Variants in AUH observed in about 807,000 individuals in gnomAD.
AUH encodes the protein AU RNA binding methylglutaconyl-CoA hydratase, also known as methylglutaconyl-CoA hydratase, mitochondrial.
In AUH, 29 loss-of-function variants were observed where a neutral mutation model predicts 42.3. The ratio of observed to expected loss-of-function variants is 0.69; its 90% CI spans 0.51 to 0.93. The LOEUF is 0.93. Among genes scored for constraint, AUH ranks in the 40% least tolerant of loss-of-function variants. AUH has a pLI of 0.00. For missense variants in AUH, 452 were observed against 438.1 expected (o/e 1.03, Z -0.28); for synonymous variants, 174 against 166.4 (o/e 1.05, Z -0.35).
chr9:91,346,025 G>T (rs1034079025), intron 3 of AUH, among the ~76,000 whole-genome samples: 1 of 151,968 alleles, frequency 6.6e-6, no homozygotes, highest in South Asian at 2.1e-4. Flanking sequence ...AAAATACTTC[G>T]TCGTTTTTAT....
chr9:91,267,857 C>T (rs1168779609), intron 6 of AUH, among the ~76,000 whole-genome samples: 3 of 152,152 alleles, frequency 2.0e-5, no homozygotes, highest in Non-Finnish European at 4.4e-5. Flanking sequence ...ACACTACTAC[C>T]ACCTTTTCCA....
At position 91,260,226 on chromosome 9, in the gene AUH, A is replaced by G. The variant is rs192142858; in HGVS notation, c.655+35795T>C. On this transcript the variant is annotated intron_variant, in intron 6 of 9. Coordinates refer to ENST00000375731, the MANE Select transcript of AUH (RefSeq NM_001698.3). ...AGTTTTAAACCTATACTGTATGTTT[A>G]TGGTTAAAGTGTGTCTTTTATAAAC... Among the ~76,000 whole-genome samples, 295 of 152,214 alleles carry G rather than the reference A, an allele frequency of 1.9e-3. 1 individual carries two copies. The highest frequency in any genetic ancestry group is 6.7e-3 in the African/African-American group (278 of 41,558).
At chr9:91,315,417 G>C (rs865923437) in intron 4 of AUH, among the ~76,000 whole-genome samples, 6 of 152,066 alleles carry the variant, frequency 3.9e-5, no homozygotes, top group Admixed American at 6.6e-5. Context: ...TGTATACCTG[G>C]CCACCCTGCT....
At chr9:91,262,761 G>C (rs991118453) in intron 6 of AUH, among the ~76,000 whole-genome samples, 3 of 152,054 alleles carry the variant, frequency 2.0e-5, no homozygotes, top group Admixed American at 2.0e-4. Flanking sequence ...TCAAAACTCC[G>C]TAACTACTCC....
intron 4 of AUH, among the ~76,000 whole-genome samples, chr9:91,304,271 T>C (rs1251802716): frequency 2.6e-5 from 4 of 152,182 alleles, no homozygotes; most frequent in Non-Finnish European, 4.4e-5. Flanking sequence ...CATAGTAATT[T>C]CAGGCTGTAT....
At chr9:91,288,625 T>C (rs561394078) in intron 6 of AUH, among the ~76,000 whole-genome samples, 128 of 152,270 alleles carry the variant, frequency 8.4e-4, no homozygotes, top group African/African-American at 2.8e-3. Flanking sequence ...AATAAAAGCA[T>C]TGGTTCAAGT....
chr9:91,310,580 A>G (rs1828625584), intron 4 of AUH, among the ~76,000 whole-genome samples: 1 of 152,236 alleles, frequency 6.6e-6, no homozygotes, highest in Non-Finnish European at 1.5e-5. Context: ...AACTTACACC[A>G]AAATAATTCA....
chr9:91,300,850 C>G (rs976100432), intron 4 of AUH, among the ~76,000 whole-genome samples: 1 of 152,190 alleles, frequency 6.6e-6, no homozygotes, highest in East Asian at 1.9e-4. Context: ...GCCTAGCTAG[C>G]CCCTACTTGT....
At chr9:91,252,585 A>G (rs1829195869) in intron 6 of AUH, among the ~76,000 whole-genome samples, 1 of 152,158 alleles carries the variant, frequency 6.6e-6, no homozygotes, top group Non-Finnish European at 1.5e-5. Flanking sequence ...GGCCATCTTC[A>G]CTGACTCCCA....
chr9:91,220,268 C>T (rs1051582888), intron 7 of AUH, among the ~76,000 whole-genome samples: 2 of 152,222 alleles, frequency 1.3e-5, no homozygotes, highest in African/African-American at 4.8e-5. Context: ...GTCAAAACAA[C>T]GCCTACACCA....
chr9:91,332,330 C>T (rs1309338842), intron 3 of AUH, among the ~76,000 whole-genome samples: 1 of 151,982 alleles, frequency 6.6e-6, no homozygotes, highest in Non-Finnish European at 1.5e-5. Context: ...GGCGACACCC[C>T]GACTCTACTA....
chr9:91,330,651 T>C (rs1250832682), intron 3 of AUH, among the ~76,000 whole-genome samples: 3 of 152,148 alleles, frequency 2.0e-5, no homozygotes, highest in Admixed American at 1.3e-4. Flanking sequence ...GGCAGCACTA[T>C]TAGAAACAGC....
intron 6 of AUH, among the ~76,000 whole-genome samples, chr9:91,283,430 C>T (rs1302666158): frequency 1.3e-5 from 2 of 152,140 alleles, no homozygotes; most frequent in African/African-American, 4.8e-5. Flanking sequence ...CTCACCACTC[C>T]TATTCAACAT....
intron 6 of AUH, among the ~76,000 whole-genome samples, chr9:91,285,809 G>A (rs774665303): frequency 5.9e-5 from 9 of 152,202 alleles, no homozygotes; most frequent in Middle Eastern, 3.4e-3. Flanking sequence ...GTGTGTGCTC[G>A]TGTATACGCA....
At chr9:91,320,168 C>T (rs1292920889) in intron 4 of AUH, among the ~76,000 whole-genome samples, 1 of 152,162 alleles carries the variant, frequency 6.6e-6, no homozygotes, top group Non-Finnish European at 1.5e-5. Flanking sequence ...GTATTCTTTT[C>T]CATTATAGTT....
intron 6 of AUH, among the ~76,000 whole-genome samples, chr9:91,259,146 C>T (rs1394940199): frequency 6.6e-6 from 1 of 152,106 alleles, no homozygotes; most frequent in East Asian, 1.9e-4. Flanking sequence ...GCTATCTGCT[C>T]AGAGCTTTCT....
chr9:91,282,821 T>C (rs527500950), intron 6 of AUH, among the ~76,000 whole-genome samples: 122 of 152,190 alleles, frequency 8.0e-4, no homozygotes, highest in African/African-American at 2.8e-3. Context: ...CAATAATTAA[T>C]AGCCTACCAA....
chr9:91,321,244 T>C (rs1829544462), intron 4 of AUH, among the ~76,000 whole-genome samples: 1 of 152,220 alleles, frequency 6.6e-6, no homozygotes, highest in East Asian at 1.9e-4. Context: ...TCTATGTCTT[T>C]AAACCGCAAG....
intron 6 of AUH, among the ~76,000 whole-genome samples, chr9:91,227,995 G>A (rs1156566506): frequency 6.6e-6 from 1 of 152,158 alleles, no homozygotes; most frequent in Non-Finnish European, 1.5e-5. Context: ...GTTCATCAAG[G>A]ATATTGGTCT....
Sources: allele counts gnomAD v4.1 joint callset (sites outside exome capture counted in the v4.1 genomes callset), GRCh38; gene constraint gnomAD v4.1.1; transcripts MANE v1.5; gene names NCBI Gene and HGNC (gene_info 2026-07-23, HGNC 2026-07-21).